Variants in LHFPL2 observed in about 807,000 individuals in gnomAD.
The protein encoded by LHFPL2 is LHFPL tetraspan subfamily member 2 protein.
A neutral mutation model predicts 17.5 loss-of-function variants in LHFPL2; 7 were observed. The ratio of observed to expected loss-of-function variants is 0.40; its 90% CI spans 0.23 to 0.75. LHFPL2 has a LOEUF of 0.75. LHFPL2 is among the 30% of genes least tolerant of loss of function. The pLI, the probability that LHFPL2 is intolerant of heterozygous loss-of-function variation, is 0.37. For missense variants in LHFPL2, 241 were observed against 294.8 expected (o/e 0.82, Z 1.34); for synonymous variants, 134 against 116.2 (o/e 1.15, Z -0.99).
chr5:78,633,353 G>A (rs1245584881), intron 1 of LHFPL2, among the ~76,000 whole-genome samples: 1 of 152,210 alleles, frequency 6.6e-6, no homozygotes, highest in Non-Finnish European at 1.5e-5. Context: ...ACTGCCTCAG[G>A]GGCAGAGTCT....
chr5:78,555,795 G>A (rs1196430559), intron 3 of LHFPL2, among the ~76,000 whole-genome samples: 1 of 152,182 alleles, frequency 6.6e-6, no homozygotes, highest in Non-Finnish European at 1.5e-5. Context: ...AAAAGGTAAG[G>A]GAGAAAAGGG....
At chr5:78,497,368 G>C (rs1026041614) in intron 4 of LHFPL2, among the ~76,000 whole-genome samples, 9 of 152,064 alleles carry the variant, frequency 5.9e-5, no homozygotes, top group South Asian at 2.1e-4. Context: ...GCATACCCCG[G>C]CCTCTCTCAC....
At chr5:78,513,012 C>T (rs536883804) in intron 3 of LHFPL2, among the ~76,000 whole-genome samples, 1 of 152,226 alleles carries the variant, frequency 6.6e-6, no homozygotes, top group South Asian at 2.1e-4. Flanking sequence ...ACCTTGGCCT[C>T]CCAAAGTGCT....
chr5:78,491,708 G>T (rs1340286611), intron 4 of LHFPL2, among the ~76,000 whole-genome samples: 2 of 152,110 alleles, frequency 1.3e-5, no homozygotes, highest in East Asian at 3.9e-4. Flanking sequence ...CCTGTAAAAT[G>T]GACTAATCCA....
intron 1 of LHFPL2, among the ~76,000 whole-genome samples, chr5:78,641,062 C>A (rs1049977501): frequency 2.6e-5 from 4 of 152,134 alleles, no homozygotes; most frequent in Non-Finnish European, 5.9e-5. Context: ...CTCTCTAAGG[C>A]AGGGAAGGAA....
At chr5:78,630,206 G>A (rs891894340) in intron 2 of LHFPL2, among the ~76,000 whole-genome samples, 1 of 152,186 alleles carries the variant, frequency 6.6e-6, no homozygotes, top group African/African-American at 2.4e-5. Flanking sequence ...GAGGGGGTCT[G>A]AGGATCAGAT....
At chr5:78,637,156 T>G (rs764412550) in intron 1 of LHFPL2, among the ~76,000 whole-genome samples, 3 of 151,966 alleles carry the variant, frequency 2.0e-5, no homozygotes, top group Non-Finnish European at 4.4e-5. Flanking sequence ...CCGGGTAGGG[T>G]CTGGTCACAT....
In LHFPL2 at chr5:78,550,231, G is replaced by C. The variant is rs548435105; in HGVS notation, c.-186+14582C>G. Among the ~76,000 whole-genome samples the C allele has an allele frequency of 3.9e-5, 6 of 152,300 alleles. No individual in the cohort carries two copies. The South Asian group carries it at 6.2e-4, about 16-fold the overall frequency. On this transcript the variant is annotated intron_variant, in intron 3 of 4. Coordinates refer to ENST00000380345, the MANE Select transcript of LHFPL2 (RefSeq NM_005779.3). ...TTTTCTACTCCTTTGAAAAGAAAAG[G>C]CTCATCCATCTTCACAACCAGGTTC...
At position 78,510,278 on chromosome 5, in the gene LHFPL2, GGGGAAGGAGGCTCGGGCGGCCC is replaced by G; in HGVS notation, c.-87_-66del. 1.4e-6 allele frequency: 2 copies of G among 1,451,568 alleles called. No homozygotes were observed. Among genetic ancestry groups the G allele is most frequent in the Admixed American group, 2.5e-5 (1 of 39,386 alleles). 89.9% of individuals were successfully genotyped at this position (1,451,568 alleles called of 1,614,324 possible). A position where few individuals can be genotyped will look rare whatever the true frequency, so the allele number is the denominator to read the frequency against. ...AGTTAATCAAAACAAGAAAGTCGGT[GGGGAAGGAGGCTCGGGCGGCCC>G]GGGAAGGAAGTCGCAGCTGCAGTCA... On this transcript the variant is annotated 5_prime_UTR_variant, in exon 4 of 5. It introduces an in-frame stop codon into an upstream open reading frame of the 5' UTR. Coordinates refer to ENST00000380345, the MANE Select transcript of LHFPL2 (RefSeq NM_005779.3).
intron 3 of LHFPL2, among the ~76,000 whole-genome samples, chr5:78,558,067 G>C (rs1756628303): frequency 6.6e-6 from 1 of 152,228 alleles, no homozygotes; most frequent in South Asian, 2.1e-4. Context: ...GTTTCAAAGA[G>C]CAGACACGGT....
At position 78,580,651 on chromosome 5, in the gene LHFPL2, G is replaced by C. The variant is rs563750884; in HGVS notation, c.-244-15780C>G. On this transcript the variant is annotated intron_variant, in intron 2 of 4. Coordinates refer to ENST00000380345, the MANE Select transcript of LHFPL2 (RefSeq NM_005779.3). Reference sequence around the variant, plus strand: ...TCTCAGGTTTGTCAAAGATCAGATAGTTGGAGATATGCGGCGTTCTTTCTG... The same window carrying C: ...TCTCAGGTTTGTCAAAGATCAGATACTTGGAGATATGCGGCGTTCTTTCTG... Among the ~76,000 whole-genome samples, 6 of 152,226 alleles carry C rather than the reference G, an allele frequency of 3.9e-5. No individual in the cohort carries two copies. The East Asian group carries it at 1.2e-3, about 29-fold the overall frequency.
chr5:78,597,632 G>T (rs1350906741), intron 2 of LHFPL2, among the ~76,000 whole-genome samples: 1 of 151,762 alleles, frequency 6.6e-6, no homozygotes, highest in Admixed American at 6.6e-5. Flanking sequence ...TTCCTTCTTT[G>T]TTTTTCTTTT....
At chr5:78,492,825 G>GT (rs1323875471) in intron 4 of LHFPL2, among the ~76,000 whole-genome samples, 1 of 152,210 alleles carries the variant, frequency 6.6e-6, no homozygotes, top group East Asian at 1.9e-4. Context: ...GGTGTGAAGT[G>GT]TGCCAACCAC....
chr5:78,557,216 C>A (rs1561337946), intron 3 of LHFPL2, among the ~76,000 whole-genome samples: 1 of 152,172 alleles, frequency 6.6e-6, no homozygotes, highest in African/African-American at 2.4e-5. Context: ...ACACAGAATA[C>A]CACAGCACTG....
At chr5:78,638,577 C>T (rs577718202) in intron 1 of LHFPL2, among the ~76,000 whole-genome samples, 47 of 152,224 alleles carry the variant, frequency 3.1e-4, no homozygotes, top group African/African-American at 9.6e-4. Context: ...GTCGAGGTCA[C>T]GGGTATGATT....
rs1228732980 is a variant in LHFPL2 at position 78,609,469 on chromosome 5, AAAAAAAAG to A, written c.-245+22787_-245+22794del. On this transcript the variant is annotated intron_variant, in intron 2 of 4. Coordinates refer to ENST00000380345, the MANE Select transcript of LHFPL2 (RefSeq NM_005779.3). The stretch of plus-strand genomic sequence containing the variant: ...CAGTCTCAAAAAAAAAAAAAAAAAA[AAAAAAAAG>A]AGAGAGAGCTTGCTTAAGTAAATTA... Among the ~76,000 whole-genome samples, 50 of 145,564 alleles carry A rather than the reference AAAAAAAAG, an allele frequency of 3.4e-4. 1 individual carries two copies. Among genetic ancestry groups the A allele is most frequent in the African/African-American group, 1.3e-3 (48 of 36,122 alleles).
chr5:78,508,906 A>G (rs12697887), intron 4 of LHFPL2, among the ~76,000 whole-genome samples: 106,274 of 151,864 alleles, frequency 0.7, 38,680 homozygotes, highest in East Asian at 0.92. Context: ...AAACTCAGCC[A>G]TGTGTTTTTG....
Position 78,488,778 on chromosome 5 carries a change from C to CGGGCCGTGGAACGTGGCTTT in LHFPL2, c.*99_*118dup. On this transcript the variant is annotated 3_prime_UTR_variant, in exon 5 of 5. Transcript: ENST00000380345. ...CCTCTCATTGGTCCTGTTTAAGCCT[C>CGGGCCGTGGAACGTGGCTTT]GGGCCGTGGAACGTGGCTTTGGTAG... 6.8e-6 allele frequency: 8 copies of CGGGCCGTGGAACGTGGCTTT among 1,183,684 alleles called. No homozygotes were observed. In the Admixed American group the frequency reaches 1.5e-4, roughly 22 times the overall value. 73.3% of individuals were successfully genotyped at this position (1,183,684 alleles called of 1,614,324 possible).
chr5:78,601,586 A>T (rs1051128963), intron 2 of LHFPL2, among the ~76,000 whole-genome samples: 2 of 152,204 alleles, frequency 1.3e-5, no homozygotes, highest in African/African-American at 4.8e-5. Context: ...CTGTGTAGCA[A>T]ATTTATACCA....
Sources: gnomAD v4.1 joint callset for allele counts (sites outside exome capture counted in the v4.1 genomes callset) on GRCh38, gnomAD v4.1.1 for gene constraint, MANE v1.5 for transcripts, NCBI Gene and HGNC (gene_info 2026-07-23, HGNC 2026-07-21) for gene names.